Variants in KCNQ5 observed in about 807,000 individuals in gnomAD.
KCNQ5 encodes potassium voltage-gated channel subfamily KQT member 5.
Under a neutral mutation model 98.2 loss-of-function variants are expected in KCNQ5, and 30 were observed. That is an observed-to-expected ratio of 0.31 (90% CI 0.23 to 0.41). The LOEUF is 0.41. KCNQ5 is among the 10% of genes least tolerant of loss of function. The pLI is 1.00. For missense variants in KCNQ5, 835 were observed against 1,182.5 expected, an observed-to-expected ratio of 0.71 and a Z score of 4.31; for synonymous variants, 458 against 449.4, an observed-to-expected ratio of 1.02 and a Z score of -0.24.
intron 1 of KCNQ5, among the ~76,000 whole-genome samples, chr6:72,866,836 A>G (rs1248923265): frequency 6.6e-6 from 1 of 152,228 alleles, no homozygotes; most frequent in Non-Finnish European, 1.5e-5. Flanking sequence ...AACATTCTCA[A>G]CACCATTAAA....
intron 1 of KCNQ5, among the ~76,000 whole-genome samples, chr6:72,868,026 T>C (rs1778062145): frequency 6.6e-6 from 1 of 151,994 alleles, no homozygotes; most frequent in Non-Finnish European, 1.5e-5. Flanking sequence ...TTTAGACCTG[T>C]TATTTGAGAT....
intron 1 of KCNQ5, chr6:72,987,633 T>C (rs1768854436): frequency 1.0e-5 from 6 of 602,370 alleles, no homozygotes; most frequent in Non-Finnish European, 1.8e-5. Flanking sequence ...AGCAGGACTG[T>C]GACCGGGCCA....
chr6:72,760,966 A>G lies in KCNQ5; in HGVS notation c.398+138379A>G, dbSNP rs555486764. Among the ~76,000 whole-genome samples, 8 of 152,188 alleles carry G rather than the reference A, an allele frequency of 5.3e-5. No individual in the cohort carries two copies. In the East Asian group the frequency reaches 1.5e-3, roughly 29 times the overall value. On this transcript the variant is annotated intron_variant, in intron 1 of 13. Coordinates refer to ENST00000370398, the MANE Select transcript of KCNQ5 (RefSeq NM_019842.4). ...TCCATGGTCACAGCCAGATTTCATG[A>G]TATTTTTACCCATATATTTATCTGT...
chr6:72,967,968 G>T (rs1239504388), intron 1 of KCNQ5, among the ~76,000 whole-genome samples: 2 of 152,102 alleles, frequency 1.3e-5, no homozygotes, highest in East Asian at 1.9e-4. Context: ...TGCTTACTCT[G>T]ACCTTCCTTC....
chr6:72,767,494 C>T (rs1772637146), intron 1 of KCNQ5, among the ~76,000 whole-genome samples: 1 of 151,780 alleles, frequency 6.6e-6, no homozygotes, highest in Non-Finnish European at 1.5e-5. Flanking sequence ...AATTTGATTT[C>T]ATCAAAGTTA....
At chr6:73,114,569 C>T (rs944493598) in intron 7 of KCNQ5, among the ~76,000 whole-genome samples, 6 of 152,092 alleles carry the variant, frequency 3.9e-5, no homozygotes, top group Non-Finnish European at 7.4e-5. Flanking sequence ...GAATACCTGC[C>T]CAAATGTCAC....
At position 73,146,445 on chromosome 6, in the gene KCNQ5, CA is replaced by C; in HGVS notation, c.1468+12808del. Among the ~76,000 whole-genome samples, 4 of 151,984 alleles carry C rather than the reference CA, an allele frequency of 2.6e-5. No homozygotes were observed. In the Middle Eastern group the frequency reaches 0.01, roughly 388 times the overall value. On this transcript the variant is annotated intron_variant, in intron 10 of 13. Coordinates refer to ENST00000370398, the MANE Select transcript of KCNQ5 (RefSeq NM_019842.4). ...TTAGAGACTAGCCTAGGCAACATGG[CA>C]AAACCCCATCTCTACAAAAAATGTA...
chr6:72,997,565 G>T (rs1429265203), intron 1 of KCNQ5, among the ~76,000 whole-genome samples: 1 of 150,738 alleles, frequency 6.6e-6, no homozygotes, highest in Non-Finnish European at 1.5e-5. Context: ...CACGAGGTCA[G>T]AAGATCGAGA....
chr6:72,651,557 G>A (rs1765876928), intron 1 of KCNQ5, among the ~76,000 whole-genome samples: 1 of 151,928 alleles, frequency 6.6e-6, no homozygotes, highest in African/African-American at 2.4e-5. Context: ...TAAATTGTTG[G>A]ACAAAAATCT....
intron 1 of KCNQ5, among the ~76,000 whole-genome samples, chr6:72,774,216 CT>C (rs977581513): frequency 4.6e-5 from 7 of 152,116 alleles, no homozygotes; most frequent in Admixed American, 2.6e-4. Flanking sequence ...ATATTTCAGG[CT>C]TTGCATATCC....
chr6:72,669,714 C>A (rs369625407), intron 1 of KCNQ5, among the ~76,000 whole-genome samples: 1 of 152,172 alleles, frequency 6.6e-6, no homozygotes, highest in East Asian at 1.9e-4. Flanking sequence ...CGACAGCCTT[C>A]TGTTATTCCA....
chr6:72,820,005 C>G (rs1775678980), intron 1 of KCNQ5, among the ~76,000 whole-genome samples: 1 of 152,172 alleles, frequency 6.6e-6, no homozygotes, highest in South Asian at 2.1e-4. Context: ...TTTAAAGTCC[C>G]TTCCATCTGG....
intron 1 of KCNQ5, among the ~76,000 whole-genome samples, chr6:72,833,459 G>A (rs1469602349): frequency 3.9e-5 from 6 of 152,096 alleles, no homozygotes; most frequent in Admixed American, 2.0e-4. Context: ...TACCCCACAC[G>A]GATATACTGA....
intron 1 of KCNQ5, among the ~76,000 whole-genome samples, chr6:72,852,165 T>C (rs1013093404): frequency 6.6e-6 from 1 of 152,130 alleles, no homozygotes; most frequent in Non-Finnish European, 1.5e-5. Flanking sequence ...AAATGGGACA[T>C]ATTTCATGAT....
intron 1 of KCNQ5, among the ~76,000 whole-genome samples, chr6:72,757,593 G>A (rs893037409): frequency 6.6e-5 from 10 of 152,054 alleles, no homozygotes; most frequent in Non-Finnish European, 1.5e-5. Context: ...ATTGAATGCC[G>A]TACTGAAAGT....
intron 11 of KCNQ5, among the ~76,000 whole-genome samples, chr6:73,187,061 C>CT (rs56920924): frequency 0.039 from 5,334 of 137,160 alleles, 209 homozygotes; most frequent in East Asian, 0.17. Context: ...CACCAAAATT[C>CT]TTTTTTTTTT....
At chr6:72,972,469 C>T (rs1767948978) in intron 1 of KCNQ5, among the ~76,000 whole-genome samples, 1 of 151,788 alleles carries the variant, frequency 6.6e-6, no homozygotes, top group Non-Finnish European at 1.5e-5. Flanking sequence ...CATCTATTGA[C>T]CCATCCCCTA....
chr6:73,050,570 A>G (rs1438409347), intron 3 of KCNQ5, among the ~76,000 whole-genome samples: 1 of 152,164 alleles, frequency 6.6e-6, no homozygotes, highest in East Asian at 1.9e-4. Context: ...TATAGTCTTT[A>G]TTTGAATTTC....
chr6:72,968,359 G>T (rs1039748708), intron 1 of KCNQ5, among the ~76,000 whole-genome samples: 1 of 151,914 alleles, frequency 6.6e-6, no homozygotes, highest in African/African-American at 2.4e-5. Context: ...CAAACTCAAA[G>T]TACTGAAAGT....
Sources: gnomAD v4.1 joint callset for allele counts (sites outside exome capture counted in the v4.1 genomes callset) on GRCh38, gnomAD v4.1.1 for gene constraint, MANE v1.5 for transcripts, NCBI Gene and HGNC (gene_info 2026-07-23, HGNC 2026-07-21) for gene names.